Variants in TRIM2 observed in about 807,000 individuals in gnomAD.
TRIM2 encodes the protein tripartite motif containing 2, also known as tripartite motif-containing protein 2.
In TRIM2, 20 loss-of-function variants were observed where a neutral mutation model predicts 75.2. The ratio of observed to expected loss-of-function variants is 0.27; its 90% CI spans 0.19 to 0.39. The LOEUF (loss-of-function observed/expected upper bound fraction) is 0.39. Ranked by LOEUF, TRIM2 falls within the 10% of genes least tolerant of loss-of-function variation. The pLI, the probability that TRIM2 is intolerant of heterozygous loss-of-function variation, is 1.00. For missense variants in TRIM2, 660 were observed against 990.8 expected (o/e 0.67, Z 4.48); for synonymous variants, 373 against 388.3 (o/e 0.96, Z 0.46).
chr4:153,199,262 A>C (rs141010403), intron 1 of TRIM2, among the ~76,000 whole-genome samples: 1 of 152,314 alleles, frequency 6.6e-6, no homozygotes, highest in African/African-American at 2.4e-5. Context: ...TTCCTGTTTC[A>C]ACCTTCCAAG....
chr4:153,159,566 A>G (rs1268405228), intron 1 of TRIM2, among the ~76,000 whole-genome samples: 1 of 152,112 alleles, frequency 6.6e-6, no homozygotes, highest in African/African-American at 2.4e-5. Context: ...TCAGCCTCCC[A>G]AAGTGCTAGG....
At chr4:153,245,431 A>G (rs967284551) in intron 1 of TRIM2, among the ~76,000 whole-genome samples, 1 of 152,252 alleles carries the variant, frequency 6.6e-6, no homozygotes, top group Non-Finnish European at 1.5e-5. Context: ...TGTGTCAGCC[A>G]TTTTGTTAGG....
intron 1 of TRIM2, among the ~76,000 whole-genome samples, chr4:153,269,860 A>G (rs1756198352): frequency 1.3e-5 from 2 of 152,142 alleles, no homozygotes; most frequent in African/African-American, 4.8e-5. Context: ...TACAGCAATA[A>G]GGGTTGGCTT....
intron 1 of TRIM2, among the ~76,000 whole-genome samples, chr4:153,165,760 G>C (rs1037268414): frequency 6.6e-6 from 1 of 152,050 alleles, no homozygotes; most frequent in African/African-American, 2.4e-5. Flanking sequence ...TTGCTGCTGG[G>C]TCCTCCATAG....
At chr4:153,210,058 ATT>A (rs761134144) in intron 1 of TRIM2, among the ~76,000 whole-genome samples, 3,350 of 106,772 alleles carry the variant, frequency 0.031, 24 homozygotes, top group Middle Eastern at 0.045. Context: ...GGGTGATTTA[ATT>A]TTTTTTTTTT....
intron 1 of TRIM2, among the ~76,000 whole-genome samples, chr4:153,247,741 T>G (rs1677814229): frequency 6.6e-6 from 1 of 151,404 alleles, no homozygotes; most frequent in Admixed American, 6.6e-5. Context: ...ATGATTCTGC[T>G]CGCTATCATT....
chr4:153,309,097 A>G (rs1269778064), intron 6 of TRIM2, among the ~76,000 whole-genome samples: 4 of 152,232 alleles, frequency 2.6e-5, no homozygotes, highest in Non-Finnish European at 5.9e-5. Flanking sequence ...AGCAACTTAC[A>G]GTGTAGTGAA....
chr4:153,276,693 A>G (rs1758104950), intron 3 of TRIM2, among the ~76,000 whole-genome samples: 1 of 152,228 alleles, frequency 6.6e-6, no homozygotes, highest in African/African-American at 2.4e-5. Flanking sequence ...ACTGATTCAC[A>G]ATAGCTATGT....
intron 2 of TRIM2, among the ~76,000 whole-genome samples, chr4:153,274,881 G>A (rs1377400186): frequency 6.6e-6 from 1 of 152,202 alleles, no homozygotes; most frequent in African/African-American, 2.4e-5. Context: ...GCTGTTTCAT[G>A]TCTGGTATTG....
At chr4:153,156,539 G>C (rs1251993887) in intron 1 of TRIM2, among the ~76,000 whole-genome samples, 1 of 152,152 alleles carries the variant, frequency 6.6e-6, no homozygotes, top group Non-Finnish European at 1.5e-5. Context: ...GTGGGGTTCA[G>C]GAGGCCTGGG....
intron 1 of TRIM2, among the ~76,000 whole-genome samples, chr4:153,221,763 T>TCGC (rs1553966324): frequency 1.3e-5 from 1 of 76,264 alleles, no homozygotes; most frequent in African/African-American, 4.5e-5. Context: ...AGGGAGGAAA[T>TCGC]AAGGAAGGAA....
chr4:153,208,974 AGAT>A (rs1382080028), intron 1 of TRIM2, among the ~76,000 whole-genome samples: 2 of 152,234 alleles, frequency 1.3e-5, no homozygotes, highest in African/African-American at 2.4e-5. Flanking sequence ...TTCGTTCAGA[AGAT>A]CCAGCATCAA....
At chr4:153,285,131 G>A (rs925139735) in intron 3 of TRIM2, among the ~76,000 whole-genome samples, 119 of 152,252 alleles carry the variant, frequency 7.8e-4, no homozygotes, top group African/African-American at 2.8e-3. Context: ...TGAAGGAAGG[G>A]TTAAATTTCA....
At chr4:153,300,865 CTTT>C (rs1027050945) in intron 6 of TRIM2, among the ~76,000 whole-genome samples, 1 of 146,176 alleles carries the variant, frequency 6.8e-6, no homozygotes, top group Non-Finnish European at 1.5e-5. Context: ...GGTTCTTTGC[CTTT>C]TTTTTTTTAA....
At chr4:153,263,820 C>T (rs1306752777) in intron 1 of TRIM2, among the ~76,000 whole-genome samples, 1 of 152,144 alleles carries the variant, frequency 6.6e-6, no homozygotes, top group East Asian at 1.9e-4. Context: ...AGGCAGATGG[C>T]CCACATGGCA....
intron 1 of TRIM2, among the ~76,000 whole-genome samples, chr4:153,253,287 G>A (rs1193806842): frequency 6.6e-6 from 1 of 152,202 alleles, no homozygotes; most frequent in Non-Finnish European, 1.5e-5. Flanking sequence ...ACTGACATTA[G>A]TGTTGTGGGG....
At chr4:153,243,017 G>A (rs1338153430) in intron 1 of TRIM2, among the ~76,000 whole-genome samples, 2 of 152,230 alleles carry the variant, frequency 1.3e-5, no homozygotes, top group African/African-American at 2.4e-5. Flanking sequence ...TCTAGAGAAA[G>A]GATTTCATGG....
At position 153,248,099 on chromosome 4, in the gene TRIM2, G is replaced by A. The variant is rs1199684437; in HGVS notation, c.31-22236G>A. Among the ~76,000 whole-genome samples, 3 of 151,000 alleles carry A rather than the reference G, an allele frequency of 2.0e-5. No homozygotes were observed. Among genetic ancestry groups the A allele is most frequent in the African/African-American group, 4.9e-5 (2 of 40,992 alleles). ...GCGCGTCCGCCTCTGGGATTCAAGC[G>A]ATTCTTGTGCTTCAGCCTCCTGAAT... is the stretch of plus-strand genomic sequence containing the variant. On this transcript the variant is annotated intron_variant, in intron 1 of 11. Coordinates refer to ENST00000338700, the MANE Select transcript of TRIM2 (RefSeq NM_015271.5). This position sits in a 1 kb window ranked among gnomAD's most constrained non-coding sequence, Gnocchi z 4.0.
Position 153,335,028 on chromosome 4 carries a change from ATGCGGGACC to A in TRIM2, c.*63_*71del. 1 of 1,452,884 alleles carries A rather than the reference ATGCGGGACC, an allele frequency of 6.9e-7. No individual in the cohort carries two copies. Among genetic ancestry groups the A allele is most frequent in the South Asian group, 1.6e-5 (1 of 63,976 alleles). 90.0% of individuals were successfully genotyped at this position (1,452,884 alleles called of 1,614,324 possible). On this transcript the variant is annotated 3_prime_UTR_variant, in exon 12 of 12. Coordinates refer to ENST00000338700, the MANE Select transcript of TRIM2 (RefSeq NM_015271.5). ...ACTATAAACTGGAATGGATTTCTCAATGCGGGACCAGATTATGACTAGAGTTTTTATGCC... is the reference window on the plus strand; with the variant it reads ...ACTATAAACTGGAATGGATTTCTCAAAGATTATGACTAGAGTTTTTATGCC...
Sources: allele counts gnomAD v4.1 joint callset (sites outside exome capture counted in the v4.1 genomes callset), GRCh38; gene constraint gnomAD v4.1.1; non-coding constraint Gnocchi (gnomAD v3.1); transcripts MANE v1.5; gene names NCBI Gene and HGNC (gene_info 2026-07-23, HGNC 2026-07-21).